Variants in MORC2 observed in about 807,000 individuals in gnomAD.
MORC2 encodes ATPase MORC2.
In MORC2, 30 loss-of-function variants were observed where a neutral mutation model predicts 136.0. That is an observed-to-expected ratio of 0.22 (90% CI 0.17 to 0.30). MORC2 has a LOEUF of 0.30. MORC2 is among the 10% of genes least tolerant of loss of function. MORC2 has a pLI of 1.00. For missense variants in MORC2, 922 were observed against 1,333.1 expected (o/e 0.69, Z 4.80); for synonymous variants, 439 against 487.0 (o/e 0.90, Z 1.30).
chr22:30,954,607 C>T (rs180762387), intron 3 of MORC2, among the ~76,000 whole-genome samples: 1 of 152,182 alleles, frequency 6.6e-6, no homozygotes, highest in African/African-American at 2.4e-5. Flanking sequence ...AGGAGTTGTA[C>T]TGAGCACAGA....
intron 12 of MORC2, among the ~76,000 whole-genome samples, chr22:30,938,632 C>T (rs535235795): frequency 2.6e-5 from 4 of 152,210 alleles, no homozygotes; most frequent in Admixed American, 6.5e-5. Flanking sequence ...TGCAGTGGTG[C>T]GATCTCCGCT....
chr22:30,953,204 C>A (rs1409649296), intron 3 of MORC2, among the ~76,000 whole-genome samples: 1 of 152,174 alleles, frequency 6.6e-6, no homozygotes, highest in Non-Finnish European at 1.5e-5. Context: ...ATATCTGAAG[C>A]CTCCAAAGAT....
rs1379697348 is a variant in MORC2, at chr22:30,932,649, T to A, written c.2643A>T (p.Ile881=). Residue 881 remains isoleucine, a synonymous_variant, in exon 23 of 26, where the codon ATA becomes ATT. Transcript: ENST00000397641. The surrounding 1 kb of genome is among the most constrained non-coding windows in gnomAD (Gnocchi z 4.4). ...EEVGPVAQQA[I]AVAEPSTSEC... is the part of the protein sequence containing the mutation. The stretch of plus-strand genomic sequence containing the variant: ...CGGAAGTGGAGGGCTCTGCGACAGC[T>A]ATGGCCTGCTGGGCCACAGGGCCCA... 5.6e-6 allele frequency: 9 copies of A among 1,614,170 alleles called. No individual in the cohort carries two copies. Among genetic ancestry groups the A allele is most frequent in the Non-Finnish European group, 6.8e-6 (8 of 1,180,044 alleles).
intron 1 of MORC2, chr22:30,967,286 G>A (rs117725935): frequency 2.0e-3 from 1,950 of 986,280 alleles, no homozygotes; most frequent in Non-Finnish European, 2.2e-3. Context: ...ACAAGTTGCC[G>A]TTTCCTGTTT....
Position 30,937,823 on chromosome 22 carries a change from A to C in MORC2, c.1361T>G (p.Ile454Ser). ...CAGCCCAGCCCCATTACCGATGGCA[A>C]TATCCTTCCAATACTGCGCCAGGTG... ...GEHLAQYWKD[I>S]AIAQRGIIKF... Residue 454 changes from isoleucine to serine, a missense_variant, in exon 14 of 26, where the codon ATT (isoleucine) becomes AGT (serine). This residue lies in a region of MORC2 where 119 missense variants were observed against 202.7 expected (regional missense o/e 0.59). Coordinates refer to ENST00000397641, the MANE Select transcript of MORC2 (RefSeq NM_001303256.3). This position sits in a 1 kb window ranked among gnomAD's most constrained non-coding sequence, Gnocchi z 4.7. The C allele has an allele frequency of 3.1e-6, 5 of 1,614,146 alleles. No homozygotes were observed. Among genetic ancestry groups the C allele is most frequent in the Non-Finnish European group, 4.2e-6 (5 of 1,180,024 alleles).
intron 24 of MORC2, among the ~76,000 whole-genome samples, chr22:30,931,860 T>C (rs533190833): frequency 1.1e-4 from 17 of 152,344 alleles, no homozygotes; most frequent in Non-Finnish European, 1.6e-4. Flanking sequence ...CACTATGAGG[T>C]CCAGCAGACA....
intron 5 of MORC2, among the ~76,000 whole-genome samples, chr22:30,948,370 G>C (rs1045754408): frequency 5.3e-5 from 8 of 152,166 alleles, no homozygotes; most frequent in Non-Finnish European, 1.0e-4. Context: ...ACCTGCATTA[G>C]AATCATATGA....
intron 3 of MORC2, among the ~76,000 whole-genome samples, chr22:30,952,866 G>T (rs997841467): frequency 2.0e-5 from 3 of 152,236 alleles, no homozygotes; most frequent in African/African-American, 7.2e-5. Context: ...AAGCTAGGAA[G>T]TAAAGGACAG....
chr22:30,956,550 G>A (rs2040970666), intron 3 of MORC2, among the ~76,000 whole-genome samples: 1 of 152,202 alleles, frequency 6.6e-6, no homozygotes, highest in Non-Finnish European at 1.5e-5. Flanking sequence ...GATACCTTGT[G>A]TTAGTTTCTT....
intron 2 of MORC2, among the ~76,000 whole-genome samples, chr22:30,958,118 A>C (rs998899886): frequency 6.6e-6 from 1 of 152,226 alleles, no homozygotes; most frequent in East Asian, 1.9e-4. Context: ...TTCTATCACT[A>C]AGAACTCAGT....
intron 1 of MORC2, among the ~76,000 whole-genome samples, chr22:30,963,884 A>C (rs2041086537): frequency 6.6e-6 from 1 of 152,212 alleles, no homozygotes; most frequent in Non-Finnish European, 1.5e-5. Flanking sequence ...AGACGTGCTG[A>C]CAATAGGTAA....
intron 1 of MORC2, among the ~76,000 whole-genome samples, chr22:30,965,129 C>T (rs1010515929): frequency 2.0e-5 from 3 of 152,208 alleles, no homozygotes; most frequent in Non-Finnish European, 4.4e-5. Flanking sequence ...GGTCTTTTCA[C>T]TGCACCACAC....
Position 30,937,599 on chromosome 22 carries a change from G to A in MORC2, c.1482C>T (p.Pro494=), listed in dbSNP as rs938553318. ...CCAACTCACCGCACTGGATGGTGGTGGGGATTTCCATAGCTCTCCGGCGTT... is the reference window on the plus strand; with the variant it reads ...CCAACTCACCGCACTGGATGGTGGTAGGGATTTCCATAGCTCTCCGGCGTT... ...RYKRRRAMEI[P]TTIQCDLCLK... The change falls in exon 15 of 26, where the codon CCC becomes CCT. Residue 494 remains proline, a synonymous_variant. Transcript: ENST00000397641. This position sits in a 1 kb window ranked among gnomAD's most constrained non-coding sequence, Gnocchi z 4.7. The A allele has an allele frequency of 6.2e-7, 1 of 1,612,958 alleles. No homozygotes were observed. Among genetic ancestry groups the A allele is most frequent in the African/African-American group, 1.3e-5 (1 of 75,016 alleles).
intron 4 of MORC2, 36 bp downstream of exon 4, chr22:30,950,341 C>CGGGGGG: frequency 1.9e-6 from 1 of 516,792 alleles, no homozygotes; most frequent in Non-Finnish European, 3.6e-6. Context: ...TACATCGCAC[C>CGGGGGG]CCCCCACCCC....
At chr22:30,931,831 AAG>A (rs1283944545) in intron 24 of MORC2, among the ~76,000 whole-genome samples, 1 of 152,238 alleles carries the variant, frequency 6.6e-6, no homozygotes, top group Admixed American at 6.5e-5. Context: ...TCTTGAAGGC[AAG>A]ACTCTCTTTT....
intron 5 of MORC2, among the ~76,000 whole-genome samples, chr22:30,947,589 A>C (rs534210895): frequency 1.3e-5 from 2 of 152,318 alleles, no homozygotes; most frequent in Admixed American, 6.5e-5. Context: ...ACACTCAGGA[A>C]AACTCCCAGG....
intron 5 of MORC2, 102 bp from the exon 6 acceptor site, chr22:30,946,551 G>A: frequency 9.5e-7 from 1 of 1,050,668 alleles, no homozygotes; most frequent in Admixed American, 2.2e-5. Flanking sequence ...GCCACTGGAG[G>A]GCTCTCCTAA....
At chr22:30,930,788 A>C (rs2040564584) in intron 24 of MORC2, among the ~76,000 whole-genome samples, 1 of 152,102 alleles carries the variant, frequency 6.6e-6, no homozygotes, top group Admixed American at 6.5e-5. Context: ...ATCCCACTTC[A>C]TGTGGACAAT....
intron 1 of MORC2, among the ~76,000 whole-genome samples, chr22:30,962,381 G>A (rs775512812): frequency 4.6e-5 from 7 of 151,648 alleles, no homozygotes; most frequent in African/African-American, 1.2e-4. Flanking sequence ...TGGGCAACAC[G>A]GCAAAACCCC....
Sources: allele counts gnomAD v4.1 joint callset (sites outside exome capture counted in the v4.1 genomes callset), GRCh38; gene constraint gnomAD v4.1.1; regional missense constraint gnomAD v4.1.1; non-coding constraint Gnocchi (gnomAD v3.1); transcripts MANE v1.5; gene names NCBI Gene and HGNC (gene_info 2026-07-23, HGNC 2026-07-21).